CIDEA: variants seen among roughly 807,000 people sequenced by gnomAD.
CIDEA encodes the protein cell death inducing DFFA like effector a.
A neutral mutation model predicts 18.2 loss-of-function variants in CIDEA; 10 were observed. The ratio of observed to expected loss-of-function variants is 0.55; its 90% CI spans 0.34 to 0.93. The LOEUF is 0.93. Among genes scored for constraint, CIDEA ranks in the 40% least tolerant of loss-of-function variants. The probability of loss-of-function intolerance (pLI) is 0.02; values close to 1 mark genes in which losing one functional copy is unlikely to be tolerated. For missense variants in CIDEA, 309 were observed against 293.1 expected (o/e 1.05, Z -0.40); for synonymous variants, 128 against 124.8 (o/e 1.03, Z -0.17).
rs141768127 is a variant in CIDEA, at chr18:12,274,247, G to A, written c.485G>A (p.Arg162Gln). 62 of 1,614,154 alleles carry A rather than the reference G, an allele frequency of 3.8e-5. 1 individual carries two copies. The highest frequency in any genetic ancestry group is 2.0e-4 in the East Asian group (9 of 44,878). ...ATGTACTCCGTGTCCTACGACATCC[G>A]GTGCACGGGACTCAAGGGCCTGCTG... ...YEMYSVSYDIRCTGLKGLLRS... is the reference protein window; with the variant it reads ...YEMYSVSYDIQCTGLKGLLRS... The change falls in exon 4 of 5, where the codon CGG (arginine) becomes CAG (glutamine). Residue 162 changes from arginine to glutamine, a missense_variant. By Grantham distance (43) the Arg-to-Gln change is conservative (BLOSUM62 1). Coordinates refer to ENST00000320477, the MANE Select transcript of CIDEA (RefSeq NM_001279.4).
chr18:12,264,582 C>T (rs1204596430), intron 3 of CIDEA, 129 bp downstream of exon 3: 3 of 709,366 alleles, frequency 4.2e-6, no homozygotes, highest in East Asian at 3.2e-5. Flanking sequence ...GAGACGGAGT[C>T]TCGCTCTGTC....
Position 12,274,303 on chromosome 18 carries a change from G to A in CIDEA, c.512+29G>A, listed in dbSNP as rs1568106868. ...ACACACTCCAGGGGTCACCTCCGGGGGTCTGCAGACTGCACAGGGTGTGGC... is the reference window on the plus strand; with the variant it reads ...ACACACTCCAGGGGTCACCTCCGGGAGTCTGCAGACTGCACAGGGTGTGGC... On this transcript the variant is annotated intron_variant, in intron 4 of 4. Transcript: ENST00000320477. 2.5e-6 allele frequency: 4 copies of A among 1,610,416 alleles called. No individual in the cohort carries two copies. In the South Asian group the frequency reaches 4.4e-5, roughly 18 times the overall value.
intron 3 of CIDEA, among the ~76,000 whole-genome samples, chr18:12,264,795 C>T (rs531899846): frequency 3.7e-4 from 56 of 152,244 alleles, no homozygotes; most frequent in African/African-American, 1.3e-3. Context: ...CCTCGCGATC[C>T]GCCCGCCTCT....
chr18:12,258,328 G>A (rs1237902656), intron 1 of CIDEA, among the ~76,000 whole-genome samples: 1 of 152,254 alleles, frequency 6.6e-6, no homozygotes, highest in Non-Finnish European at 1.5e-5. Flanking sequence ...TGCTTACGAA[G>A]GCGTGAGCAT....
intron 3 of CIDEA, among the ~76,000 whole-genome samples, chr18:12,272,152 G>GGGA (rs1912558507): frequency 3.7e-5 from 1 of 27,308 alleles, no homozygotes; most frequent in Non-Finnish European, 1.0e-4. Flanking sequence ...GTGTGTGTGG[G>GGGA]GGGGGGGGGT....
chr18:12,276,876 G>T (rs572507347), intron 4 of CIDEA, among the ~76,000 whole-genome samples: 5 of 151,028 alleles, frequency 3.3e-5, no homozygotes, highest in African/African-American at 1.2e-4. Context: ...GTGGTCTTGG[G>T]CCAGCAGCAA....
chr18:12,276,088 A>G (rs1905325045), intron 4 of CIDEA, among the ~76,000 whole-genome samples: 1 of 149,778 alleles, frequency 6.7e-6, no homozygotes, highest in African/African-American at 2.5e-5. Flanking sequence ...CCTCCTTTCA[A>G]GTTCAAGCCA....
At chr18:12,260,332 C>T (rs1160573580) in intron 1 of CIDEA, among the ~76,000 whole-genome samples, 12 of 151,648 alleles carry the variant, frequency 7.9e-5, no homozygotes, top group South Asian at 2.1e-4. Flanking sequence ...TGCACCACCA[C>T]GCCTGACTAA....
chr18:12,273,395 C>A (rs751393150), intron 3 of CIDEA, among the ~76,000 whole-genome samples: 6 of 152,174 alleles, frequency 3.9e-5, no homozygotes, highest in Non-Finnish European at 7.3e-5. Context: ...GTACTGGGGG[C>A]AGCTTTGCTC....
intron 3 of CIDEA, among the ~76,000 whole-genome samples, chr18:12,272,146 GT>G (rs1410811668): frequency 2.3e-3 from 36 of 15,512 alleles, no homozygotes; most frequent in African/African-American, 4.0e-3. Context: ...TTGAGTGTGT[GT>G]GTGGGGGGGG....
chr18:12,265,036 T>G (rs1912312409), intron 3 of CIDEA, among the ~76,000 whole-genome samples: 1 of 152,228 alleles, frequency 6.6e-6, no homozygotes, highest in African/African-American at 2.4e-5. Flanking sequence ...ATCCTGTAAA[T>G]GCACGGAATT....
Position 12,274,166 on chromosome 18 carries a change from G to A in CIDEA, c.404G>A (p.Arg135Lys), listed in dbSNP as rs1359464099. 1 of 1,614,172 alleles carries A rather than the reference G, an allele frequency of 6.2e-7. No individual in the cohort carries two copies. Among genetic ancestry groups the A allele is most frequent in the East Asian group, 2.2e-5 (1 of 44,880 alleles). ...GIARVTFDLY[R>K]LNPKDFIGCL... is the part of the protein sequence containing the mutation. ...GCGAGAGTCACCTTCGACTTGTACA[G>A]GCTGAACCCCAAGGACTTCATCGGC... Residue 135 changes from arginine (R) to lysine (K), a missense_variant, in exon 4 of 5, where the codon AGG (arginine) becomes AAG (lysine). Physicochemically the swap from Arg to Lys is conservative, Grantham distance 26 (BLOSUM62 2). Coordinates refer to ENST00000320477, the MANE Select transcript of CIDEA (RefSeq NM_001279.4).
intron 1 of CIDEA, among the ~76,000 whole-genome samples, chr18:12,259,753 C>T (rs1343051870): frequency 6.6e-6 from 1 of 152,076 alleles, no homozygotes; most frequent in Non-Finnish European, 1.5e-5. Context: ...CCCAGCTACT[C>T]AGGAGGCTGA....
At chr18:12,254,752 C>T (rs1259986767) in intron 1 of CIDEA, 6 of 1,418,352 alleles carry the variant, frequency 4.2e-6, no homozygotes, top group South Asian at 3.7e-5. Context: ...GCATCTCTGG[C>T]CGCTGCTGCA....
At position 12,275,993 on chromosome 18, in the gene CIDEA, C is replaced by T. The variant is rs199903887; in HGVS notation, c.513-1130C>T. 8.5e-5 allele frequency among the ~76,000 whole-genome samples: 11 copies of T among 129,686 alleles called. 2 individuals carry two copies. Among genetic ancestry groups the T allele is most frequent in the Admixed American group, 8.3e-5 (1 of 12,074 alleles). 85.1% of individuals were successfully genotyped at this position (129,686 alleles called of 152,430 possible). On this transcript the variant is annotated intron_variant, in intron 4 of 4. Transcript: ENST00000320477. The stretch of plus-strand genomic sequence containing the variant: ...GTGAAATCTTTTTTCTTTTTCTTTT[C>T]TTATTTTTTTTCTTTTTTGAGACGG...
At chr18:12,255,001 AG>A in intron 1 of CIDEA, 1 of 1,153,014 alleles carries the variant, frequency 8.7e-7, no homozygotes, top group African/African-American at 1.6e-5. Flanking sequence ...TCCGGGTCCA[AG>A]GGCGGAGACG....
chr18:12,264,267 C>A, intron 2 of CIDEA, 40 bp from the exon 3 acceptor site: 2 of 1,516,594 alleles, frequency 1.3e-6, no homozygotes, highest in South Asian at 1.3e-5. Flanking sequence ...CATGGAAATA[C>A]CTGGCTTCAC....
rs1310650436 is a variant in CIDEA at position 12,264,296 on chromosome 18, T to A, written c.184-11T>A. The A allele has an allele frequency of 1.3e-6, 2 of 1,590,010 alleles. No individual in the cohort carries two copies. The highest frequency in any genetic ancestry group is 8.5e-7 in the Non-Finnish European group (1 of 1,169,892). On this transcript the variant is annotated splice_polypyrimidine_tract_variant and intron_variant, in intron 2 of 4. Coordinates refer to ENST00000320477, the MANE Select transcript of CIDEA (RefSeq NM_001279.4). ...GCTTCACTCCATTTCTCTGATGTGT[T>A]GCACACCTAGACTCTGGATGCCCTC... is the stretch of plus-strand genomic sequence containing the variant.
chr18:12,269,865 A>C lies in CIDEA; in HGVS notation c.331-4228A>C, dbSNP rs149953294. ...GGTGCATGTCACCACACCCAGCTAA[A>C]TGCTTGTATTTTTTTAGAGATGGGA... On this transcript the variant is annotated intron_variant, in intron 3 of 4. Transcript: ENST00000320477. Among the ~76,000 whole-genome samples, 375 of 151,988 alleles carry C rather than the reference A, an allele frequency of 2.5e-3. 3 individuals carry two copies. Among genetic ancestry groups the C allele is most frequent in the Non-Finnish European group, 6.3e-4 (43 of 67,970 alleles).
Sources: gnomAD v4.1 joint callset for allele counts (sites outside exome capture counted in the v4.1 genomes callset) on GRCh38, gnomAD v4.1.1 for gene constraint, MANE v1.5 for transcripts, NCBI Gene and HGNC (gene_info 2026-07-23, HGNC 2026-07-21) for gene names.